CORO2B: variants seen among roughly 807,000 people sequenced by gnomAD.
The protein encoded by CORO2B is coronin 2B.
Under a neutral mutation model 58.8 loss-of-function variants are expected in CORO2B, and 26 were observed. The ratio of observed to expected loss-of-function variants is 0.44; its 90% CI spans 0.32 to 0.61. The LOEUF (loss-of-function observed/expected upper bound fraction) is 0.61, where lower values mean the gene tolerates loss of function less well. CORO2B is among the 20% of genes least tolerant of loss of function. CORO2B has a pLI of 0.04. For synonymous variants in CORO2B, 242 were observed against 253.8 expected (o/e 0.95, Z 0.44); for missense variants, 460 against 645.1 (o/e 0.71, Z 3.11).
chr15:68,591,844 AG>A (rs1249793352), intron 1 of CORO2B, among the ~76,000 whole-genome samples: 2 of 152,178 alleles, frequency 1.3e-5, no homozygotes, highest in Non-Finnish European at 2.9e-5. Flanking sequence ...GTTTCCTTCT[AG>A]GAAAACGTGG....
intron 3 of CORO2B, among the ~76,000 whole-genome samples, chr15:68,697,494 G>C (rs1892542804): frequency 1.3e-5 from 2 of 152,204 alleles, no homozygotes; most frequent in African/African-American, 4.8e-5. Flanking sequence ...AGCTGGCACA[G>C]TACCTAGTAC....
chr15:68,672,046 G>C (rs370575099), intron 2 of CORO2B, among the ~76,000 whole-genome samples: 31 of 152,214 alleles, frequency 2.0e-4, no homozygotes, highest in African/African-American at 7.2e-4. Context: ...GGGCCCACAG[G>C]AATAGTGAAC....
intron 1 of CORO2B, among the ~76,000 whole-genome samples, chr15:68,633,986 T>G (rs1279206863): frequency 6.6e-6 from 1 of 152,362 alleles, no homozygotes; most frequent in East Asian, 1.9e-4. Flanking sequence ...ATCCCGGTTA[T>G]CCTGAGAGTC....
At chr15:68,625,348 T>C (rs1399884785) in intron 1 of CORO2B, among the ~76,000 whole-genome samples, 1 of 152,114 alleles carries the variant, frequency 6.6e-6, no homozygotes, top group Non-Finnish European at 1.5e-5. Context: ...TCCACTTCTA[T>C]GCATTTCACA....
At chr15:68,608,607 T>C (rs968285052) in intron 1 of CORO2B, among the ~76,000 whole-genome samples, 8 of 152,232 alleles carry the variant, frequency 5.3e-5, no homozygotes, top group African/African-American at 1.7e-4. Context: ...TGGAGAATGA[T>C]GAGAGACCTG....
At chr15:68,597,628 A>C (rs75031317) in intron 1 of CORO2B, among the ~76,000 whole-genome samples, 1 of 97,994 alleles carries the variant, frequency 1.0e-5, no homozygotes, top group African/African-American at 5.1e-5. Context: ...CCCCCCCATC[A>C]AAAAAAAAAA....
In CORO2B at chr15:68,695,106, TCTC is replaced by T. The variant is rs747062829; in HGVS notation, c.217-31_217-29del. The T allele has an allele frequency of 1.2e-5, 18 of 1,563,524 alleles. No homozygotes were observed. The South Asian group carries it at 1.6e-4, about 14-fold the overall frequency. On this transcript the variant is annotated intron_variant, in intron 2 of 11. Coordinates refer to ENST00000261861, the MANE Select transcript of CORO2B (RefSeq NM_006091.5). ...GGCCACCCCAGGGCCATCAAACTAA[TCTC>T]CTTCTCTCTCTCTCTCTTTCTCCTC...
intron 1 of CORO2B, among the ~76,000 whole-genome samples, chr15:68,584,489 TG>T (rs1411408669): frequency 1.3e-5 from 2 of 152,166 alleles, no homozygotes; most frequent in African/African-American, 2.4e-5. Context: ...GGGCGCTGGC[TG>T]GGCCAATGTC....
chr15:68,676,774 G>T (rs1214779631), intron 2 of CORO2B, among the ~76,000 whole-genome samples: 1 of 151,894 alleles, frequency 6.6e-6, no homozygotes, highest in Non-Finnish European at 1.5e-5. Flanking sequence ...GTTTCTTCTG[G>T]ATTATTTTTT....
the CORO2B span, among the ~76,000 whole-genome samples, chr15:68,550,616 G>A: frequency 1.3e-5 from 2 of 152,136 alleles, no homozygotes; most frequent in Non-Finnish European, 2.9e-5. Context: ...TATTACTGTC[G>A]CCCCCGAGTT....
intron 2 of CORO2B, among the ~76,000 whole-genome samples, chr15:68,662,378 G>C (rs1902045110): frequency 6.6e-6 from 1 of 152,162 alleles, no homozygotes; most frequent in South Asian, 2.1e-4. Flanking sequence ...AAAGTGCAGG[G>C]TTTTCATGCC....
chr15:68,714,686 C>T (rs1282764599), intron 7 of CORO2B, 23 bp downstream of exon 7: 1 of 1,580,124 alleles, frequency 6.3e-7, no homozygotes, highest in Non-Finnish European at 8.7e-7. Context: ...GGGGGAGGGC[C>T]CGGGGCAGCC....
chr15:68,629,171 CA>C (rs2140258232), intron 1 of CORO2B, among the ~76,000 whole-genome samples: 1 of 152,358 alleles, frequency 6.6e-6, no homozygotes, highest in Admixed American at 6.5e-5. Flanking sequence ...GGCTGCTCCA[CA>C]TTGGAAATTC....
the CORO2B span, among the ~76,000 whole-genome samples, chr15:68,537,768 C>A: frequency 6.6e-6 from 1 of 152,168 alleles, no homozygotes; most frequent in Admixed American, 6.5e-5. Context: ...TCTTGGAACA[C>A]GGCCTTGTTT....
chr15:68,578,925 T>C, upstream of CORO2B: 2 of 654,974 alleles, frequency 3.1e-6, no homozygotes, highest in South Asian at 6.9e-5. The surrounding 1 kb of genome is among the most constrained non-coding windows in gnomAD (Gnocchi z 4.2). Context: ...CCTCCTCCTT[T>C]GTAGCGAGTT....
Position 68,727,079 on chromosome 15 carries a change from G to A in CORO2B, c.*1105G>A, listed in dbSNP as rs1442992593. On this transcript the variant is annotated 3_prime_UTR_variant, in exon 12 of 12. Coordinates refer to ENST00000261861, the MANE Select transcript of CORO2B (RefSeq NM_006091.5). ...GCTGAGAAGGGTGGAGCTTGGCCCTGGGGAAGGCAGACCAGGGTCTGATGG... is the reference window on the plus strand; with the variant it reads ...GCTGAGAAGGGTGGAGCTTGGCCCTAGGGAAGGCAGACCAGGGTCTGATGG... 1 of 152,702 alleles carries A rather than the reference G, an allele frequency of 6.5e-6. No individual in the cohort carries two copies. Among genetic ancestry groups the A allele is most frequent in the Non-Finnish European group, 1.5e-5 (1 of 68,088 alleles). The allele number at this position is 152,702 out of a possible 1,614,324, so 9.5% of individuals were successfully genotyped here.
intron 3 of CORO2B, among the ~76,000 whole-genome samples, chr15:68,702,269 T>C (rs1892670409): frequency 6.6e-6 from 1 of 152,150 alleles, no homozygotes; most frequent in Admixed American, 6.5e-5. Context: ...CTCATTTCCT[T>C]ATCTGTGCAA....
chr15:68,590,248 C>A (rs1281450509), intron 1 of CORO2B, among the ~76,000 whole-genome samples: 1 of 152,128 alleles, frequency 6.6e-6, no homozygotes, highest in Non-Finnish European at 1.5e-5. Context: ...CACCGCCCCC[C>A]TCTCCCAGGA....
chr15:68,559,839 G>T, the CORO2B span, among the ~76,000 whole-genome samples: 14 of 152,248 alleles, frequency 9.2e-5, no homozygotes, highest in Non-Finnish European at 1.8e-4. This position sits in a 1 kb window ranked among gnomAD's most constrained non-coding sequence, Gnocchi z 4.3. Flanking sequence ...CAGGTCTCCC[G>T]CAAACGCGCG....
Sources: gnomAD v4.1 joint callset for allele counts (sites outside exome capture counted in the v4.1 genomes callset) on GRCh38, gnomAD v4.1.1 for gene constraint, Gnocchi (gnomAD v3.1) non-coding constraint, MANE v1.5 for transcripts, NCBI Gene and HGNC (gene_info 2026-07-23, HGNC 2026-07-21) for gene names.